The following DENND4A variants were observed in gnomAD, a reference collection of about 807,000 sequenced individuals.
DENND4A encodes DENN domain containing 4A, also known as C-myc promoter-binding protein.
In DENND4A, 70 loss-of-function variants were observed where a neutral mutation model predicts 199.3. The ratio of observed to expected loss-of-function variants is 0.35; its 90% CI spans 0.29 to 0.43. The LOEUF (loss-of-function observed/expected upper bound fraction) is 0.43. DENND4A is among the 20% of genes least tolerant of loss of function. DENND4A has a pLI of 1.00. For synonymous variants in DENND4A, 686 were observed against 766.9 expected, an observed-to-expected ratio of 0.89 and a Z score of 1.74; for missense variants, 1,723 against 2,255.8, an observed-to-expected ratio of 0.76 and a Z score of 4.78.
chr15:65,759,376 G>T (rs1455199365), intron 2 of DENND4A, among the ~76,000 whole-genome samples: 1 of 152,108 alleles, frequency 6.6e-6, no homozygotes, highest in African/African-American at 2.4e-5. Flanking sequence ...TACTCGGGAG[G>T]CTGAGGCAGG....
rs1566991836 is a variant in DENND4A, at chr15:65,676,499, T to A, written c.4315A>T (p.Thr1439Ser). ...ATTCGGCTGAGATCAATTCTCTTAG[T>A]CCCTGAAGTAGCACTGGTCTCTTGA... ...SSQETSATSG[T>S]KRIDLSRISL... The change falls in exon 24 of 33, where the codon ACT (threonine) becomes TCT (serine). Residue 1439 changes from threonine (T) to serine (S), a missense_variant. Transcript: ENST00000443035. The A allele has an allele frequency of 1.9e-6, 3 of 1,613,444 alleles. No individual in the cohort carries two copies. Among genetic ancestry groups the A allele is most frequent in the Non-Finnish European group, 2.5e-6 (3 of 1,179,634 alleles).
At chr15:65,678,049 T>G (rs1488786762) in intron 23 of DENND4A, among the ~76,000 whole-genome samples, 1 of 148,972 alleles carries the variant, frequency 6.7e-6, no homozygotes, top group African/African-American at 2.5e-5. Flanking sequence ...TGCCTCAGCC[T>G]CCCGAATAGC....
At chr15:65,733,793 C>T (rs1596551766) in intron 7 of DENND4A, among the ~76,000 whole-genome samples, 2 of 152,168 alleles carry the variant, frequency 1.3e-5, no homozygotes, top group Admixed American at 6.5e-5. Flanking sequence ...CCCCCAACGC[C>T]GTGCTCTCTG....
intron 4 of DENND4A, among the ~76,000 whole-genome samples, chr15:65,742,691 G>C (rs1222611425): frequency 6.6e-6 from 1 of 152,098 alleles, no homozygotes; most frequent in Non-Finnish European, 1.5e-5. Flanking sequence ...TGTCCGCCTC[G>C]GCCTCCCAAA....
At chr15:65,775,270 C>T (rs915693153) in intron 1 of DENND4A, among the ~76,000 whole-genome samples, 59 of 151,770 alleles carry the variant, frequency 3.9e-4, no homozygotes, top group Admixed American at 2.6e-3. Context: ...TGCTTGAGCC[C>T]AGGAGGTCAA....
At position 65,756,532 on chromosome 15, in the gene DENND4A, T is replaced by C. The variant is rs563069845; in HGVS notation, c.-22-60A>G. On this transcript the variant is annotated intron_variant, in intron 2 of 32. Transcript: ENST00000443035. ...AATAAGCAAAATAAATACAAGTGGT[T>C]TGTGTGCAAATAAGAACAAAAAACT... 3.8e-6 allele frequency: 5 copies of C among 1,313,986 alleles called. No homozygotes were observed. The East Asian group carries it at 9.3e-5, about 25-fold the overall frequency. The allele number at this position is 1,313,986 out of a possible 1,614,324, so 81.4% of individuals were successfully genotyped here. A position where few individuals can be genotyped will look rare whatever the true frequency, so the allele number is the denominator to read the frequency against.
intron 12 of DENND4A, among the ~76,000 whole-genome samples, chr15:65,718,577 T>C (rs1007893245): frequency 1.3e-5 from 2 of 151,756 alleles, no homozygotes; most frequent in Non-Finnish European, 2.9e-5. Flanking sequence ...TGACCTGACA[T>C]ACGAATAAGG....
chr15:65,672,469 TA>T (rs937409880), intron 24 of DENND4A, among the ~76,000 whole-genome samples: 1 of 151,770 alleles, frequency 6.6e-6, no homozygotes, highest in Non-Finnish European at 1.5e-5. Context: ...TACAAAAAAA[TA>T]AAAATAAAGA....
chr15:65,778,885 C>T (rs2077357162), intron 1 of DENND4A, among the ~76,000 whole-genome samples: 2 of 134,504 alleles, frequency 1.5e-5, no homozygotes, highest in African/African-American at 5.9e-5. Context: ...CACAACGAGA[C>T]TCCGCATCAA....
intron 1 of DENND4A, chr15:65,771,713 T>C: frequency 6.8e-6 from 11 of 1,610,146 alleles, no homozygotes; most frequent in South Asian, 2.2e-5. Context: ...ATTAAACAAG[T>C]CTTCTGGAGT....
At chr15:65,663,433 T>C (rs2075937643) in intron 32 of DENND4A, among the ~76,000 whole-genome samples, 1 of 151,982 alleles carries the variant, frequency 6.6e-6, no homozygotes, top group Non-Finnish European at 1.5e-5. Context: ...TGCCTCGAAC[T>C]CCTGACCTCA....
chr15:65,728,959 A>T, intron 11 of DENND4A, 113 bp downstream of exon 11: 1 of 1,081,758 alleles, frequency 9.2e-7, no homozygotes, highest in Non-Finnish European at 1.4e-6. Flanking sequence ...CCACATAACA[A>T]GGAAAACAAT....
At chr15:65,718,774 T>G (rs1259988731) in intron 12 of DENND4A, among the ~76,000 whole-genome samples, 2 of 124,678 alleles carry the variant, frequency 1.6e-5, no homozygotes, top group African/African-American at 7.7e-5. Context: ...TTTTTTTTTT[T>G]TTTTTTTTTT....
intron 1 of DENND4A, among the ~76,000 whole-genome samples, chr15:65,781,578 C>T (rs900896820): frequency 3.3e-5 from 5 of 152,098 alleles, no homozygotes; most frequent in African/African-American, 9.7e-5. Context: ...TGGAAGAAAT[C>T]ATGAATGATT....
intron 23 of DENND4A, among the ~76,000 whole-genome samples, chr15:65,687,776 T>A (rs1204180800): frequency 6.8e-6 from 1 of 148,010 alleles, no homozygotes; most frequent in Non-Finnish European, 1.5e-5. Flanking sequence ...TTTTAACAGC[T>A]TTCAGTGTAT....
intron 4 of DENND4A, among the ~76,000 whole-genome samples, chr15:65,744,137 C>A (rs2076326302): frequency 6.6e-6 from 1 of 151,836 alleles, no homozygotes; most frequent in South Asian, 2.1e-4. Flanking sequence ...GAAAAGAGGT[C>A]AGATTCTGGG....
At chr15:65,719,644 C>T (rs2075543368) in intron 12 of DENND4A, among the ~76,000 whole-genome samples, 1 of 152,056 alleles carries the variant, frequency 6.6e-6, no homozygotes, top group African/African-American at 2.4e-5. Flanking sequence ...AATCCTAGCA[C>T]TTTAGGAGGC....
rs1414306327 is a variant in DENND4A, at chr15:65,737,714, T to C, written c.1033A>G (p.Ile345Val). 1.9e-6 allele frequency: 3 copies of C among 1,569,946 alleles called. No individual in the cohort carries two copies. Among genetic ancestry groups the C allele is most frequent in the African/African-American group, 2.7e-5 (2 of 73,662 alleles). Residue 345 changes from isoleucine (I) to valine (V), a missense_variant, in exon 7 of 33, where the codon ATT (isoleucine) becomes GTT (valine). Physicochemically the swap from Ile to Val is conservative, Grantham distance 29. Around this residue, in one of 6 missense-constraint regions of DENND4A, gnomAD observed 725 missense variants for 952.9 expected, o/e 0.76. Coordinates refer to ENST00000443035, the MANE Select transcript of DENND4A (RefSeq NM_001320835.1). ...CAAGAACACTTAACTTACTTCTCAATTGGAAGGACATGAGGCCCAGAGATG... is the reference window on the plus strand; with the variant it reads ...CAAGAACACTTAACTTACTTCTCAACTGGAAGGACATGAGGCCCAGAGATG... Reference protein sequence around the residue: ...YSISGPHVLPIEKHISHFMHK... With the variant: ...YSISGPHVLPVEKHISHFMHK...
rs559177924 is a variant in DENND4A at position 65,691,519 on chromosome 15, AC to A, written c.3083-9del. 2.9e-3 allele frequency: 4,543 copies of A among 1,562,244 alleles called. 15 individuals carry two copies. Among genetic ancestry groups the A allele is most frequent in the Non-Finnish European group, 3.7e-3 (4,290 of 1,157,098 alleles). On this transcript the variant is annotated splice_polypyrimidine_tract_variant and intron_variant, in intron 22 of 32. Transcript: ENST00000443035. ...GCAGCTCAGGTGTGCTTTCTGAAAA[AC>A]AAGTAAAGTGCTTTTAGCCATGAAA...
Sources: gnomAD v4.1 joint callset for allele counts (sites outside exome capture counted in the v4.1 genomes callset) on GRCh38, gnomAD v4.1.1 for gene constraint, gnomAD v4.1.1 regional missense constraint, MANE v1.5 for transcripts, NCBI Gene and HGNC (gene_info 2026-07-23, HGNC 2026-07-21) for gene names.